CDK8: variants seen among roughly 807,000 people sequenced by gnomAD.
The protein encoded by CDK8 is cyclin-dependent kinase 8.
Under a neutral mutation model 71.5 loss-of-function variants are expected in CDK8, and 29 were observed. The observed-to-expected ratio is 0.41, with a 90% confidence interval of 0.30 to 0.55. CDK8 has a LOEUF of 0.55. CDK8 is among the 20% of genes least tolerant of loss of function. CDK8 has a pLI of 0.37. For synonymous variants in CDK8, 161 were observed against 192.1 expected (o/e 0.84, Z 1.34); for missense variants, 288 against 572.6 (o/e 0.50, Z 5.07).
At chr13:26,365,464 A>G (rs1874344808) in intron 4 of CDK8, among the ~76,000 whole-genome samples, 1 of 152,164 alleles carries the variant, frequency 6.6e-6, no homozygotes, top group Non-Finnish European at 1.5e-5. Flanking sequence ...CAAATAGCAT[A>G]TATGTTTATA....
rs543668635 is a variant in CDK8 at position 26,373,359 on chromosome 13, T to G, written c.457-9455T>G. 3.9e-4 allele frequency among the ~76,000 whole-genome samples: 59 copies of G among 152,286 alleles called. No homozygotes were observed. The South Asian group carries it at 0.012, about 30-fold the overall frequency. ...GCCAAGAATGGTACCTGATAGATAA[T>G]TGGCCTTTGCTGTGCTGTATGAATG... On this transcript the variant is annotated intron_variant, in intron 4 of 12. Transcript: ENST00000381527.
At chr13:26,375,021 T>A (rs542362517) in intron 4 of CDK8, among the ~76,000 whole-genome samples, 1 of 152,266 alleles carries the variant, frequency 6.6e-6, no homozygotes, top group South Asian at 2.1e-4. Context: ...CTATATAAAT[T>A]ATGGTAAATT....
chr13:26,316,972 G>T (rs1017256071), intron 1 of CDK8, among the ~76,000 whole-genome samples: 1 of 151,722 alleles, frequency 6.6e-6, no homozygotes, highest in Non-Finnish European at 1.5e-5. Flanking sequence ...CAACAAAAAA[G>T]ATCTAGAAAC....
intron 1 of CDK8, among the ~76,000 whole-genome samples, chr13:26,279,433 T>C (rs1872664136): frequency 6.6e-6 from 1 of 152,140 alleles, no homozygotes; most frequent in Non-Finnish European, 1.5e-5. Flanking sequence ...GGACAGCCCA[T>C]TGTTTTTGCC....
chr13:26,380,941 G>A (rs1466627267), intron 4 of CDK8, among the ~76,000 whole-genome samples: 1 of 151,972 alleles, frequency 6.6e-6, no homozygotes, highest in African/African-American at 2.4e-5. Context: ...ATATCATTTT[G>A]TGTTCTGCTG....
At chr13:26,280,855 A>G (rs547376887) in intron 1 of CDK8, among the ~76,000 whole-genome samples, 1 of 152,346 alleles carries the variant, frequency 6.6e-6, no homozygotes, top group East Asian at 1.9e-4. Flanking sequence ...TGGACAGAAC[A>G]GCATGTGGAG....
At chr13:26,336,144 T>TAC (rs1872973073) in intron 1 of CDK8, among the ~76,000 whole-genome samples, 2 of 120,318 alleles carry the variant, frequency 1.7e-5, no homozygotes, top group Non-Finnish European at 3.7e-5. Context: ...CACACACACA[T>TAC]ACACACATAC....
chr13:26,304,971 C>T (rs957728909), intron 1 of CDK8, among the ~76,000 whole-genome samples: 8 of 151,984 alleles, frequency 5.3e-5, no homozygotes, highest in East Asian at 1.9e-4. Flanking sequence ...CTTGGCCTGA[C>T]GATTATATTT....
At chr13:26,390,561 A>G (rs1875699836) in intron 6 of CDK8, among the ~76,000 whole-genome samples, 1 of 152,164 alleles carries the variant, frequency 6.6e-6, no homozygotes, top group Admixed American at 6.5e-5. Context: ...AAAGGCTAAA[A>G]AAAGGGATAT....
Position 26,398,054 on chromosome 13 carries a change from T to C in CDK8, c.933+829T>C, listed in dbSNP as rs528716983. Reference sequence around the variant, plus strand: ...ACCAGGCCATTTGGCAAACATTTCTTCTGTTCTTCCTTTGTTTCTCCTTTT... The same window carrying C: ...ACCAGGCCATTTGGCAAACATTTCTCCTGTTCTTCCTTTGTTTCTCCTTTT... On this transcript the variant is annotated intron_variant, in intron 9 of 12. Coordinates refer to ENST00000381527, the MANE Select transcript of CDK8 (RefSeq NM_001260.3). Among the ~76,000 whole-genome samples, 12 of 152,232 alleles carry C rather than the reference T, an allele frequency of 7.9e-5. 1 individual carries two copies. The South Asian group carries it at 1.2e-3, about 16-fold the overall frequency.
chr13:26,307,160 C>T (rs1874083109), intron 1 of CDK8, among the ~76,000 whole-genome samples: 1 of 152,162 alleles, frequency 6.6e-6, no homozygotes, highest in Non-Finnish European at 1.5e-5. Flanking sequence ...CACCCCACCA[C>T]CCCCAACCAT....
At chr13:26,399,538 A>G (rs955715963) in intron 9 of CDK8, among the ~76,000 whole-genome samples, 4 of 152,244 alleles carry the variant, frequency 2.6e-5, no homozygotes, top group African/African-American at 9.6e-5. Context: ...AGATCAGAGT[A>G]TAAACTAAGA....
chr13:26,395,035 TA>T (rs1349874353), intron 7 of CDK8, among the ~76,000 whole-genome samples: 1 of 152,198 alleles, frequency 6.6e-6, no homozygotes, highest in Non-Finnish European at 1.5e-5. Flanking sequence ...GAGAAATTGA[TA>T]AAACACAGAA....
intron 2 of CDK8, among the ~76,000 whole-genome samples, chr13:26,343,889 T>A (rs115810521): frequency 1.2e-3 from 186 of 151,212 alleles, no homozygotes; most frequent in African/African-American, 4.1e-3. Context: ...ATTTAAAAAA[T>A]TTTTTTTTTA....
chr13:26,333,915 T>G (rs944012912), intron 1 of CDK8, among the ~76,000 whole-genome samples: 2 of 152,220 alleles, frequency 1.3e-5, no homozygotes, highest in African/African-American at 4.8e-5. Flanking sequence ...CTCCTTTGTA[T>G]CTTTTACTAA....
At position 26,254,905 on chromosome 13, in the gene CDK8, C is replaced by G; in HGVS notation, c.128+136C>G. 1.5e-6 allele frequency: 2 copies of G among 1,296,094 alleles called. No individual in the cohort carries two copies. The highest frequency in any genetic ancestry group is 2.9e-5 in the South Asian group (2 of 70,056). 80.3% of individuals were successfully genotyped at this position (1,296,094 alleles called of 1,614,324 possible). ...GACGCCGGCCTCTGGCTCCGCCAGCCAGGTTTGGGGAGGAAGTGGTGTACG... is the reference window on the plus strand; with the variant it reads ...GACGCCGGCCTCTGGCTCCGCCAGCGAGGTTTGGGGAGGAAGTGGTGTACG... On this transcript the variant is annotated intron_variant, in intron 1 of 12. Coordinates refer to ENST00000381527, the MANE Select transcript of CDK8 (RefSeq NM_001260.3). The surrounding 1 kb of genome is among the most constrained non-coding windows in gnomAD (Gnocchi z 6.7).
intron 1 of CDK8, among the ~76,000 whole-genome samples, chr13:26,331,875 G>T (rs1026491429): frequency 1.1e-4 from 16 of 152,130 alleles, no homozygotes; most frequent in South Asian, 8.3e-4. Flanking sequence ...GACTGGGATT[G>T]TATTGAATCT....
chr13:26,319,666 T>A (rs1270762094), intron 1 of CDK8, among the ~76,000 whole-genome samples: 1 of 146,564 alleles, frequency 6.8e-6, no homozygotes, highest in Non-Finnish European at 1.5e-5. Flanking sequence ...GTGCAACAAC[T>A]ATCAAAATCC....
At chr13:26,383,150 A>G (rs903362312) in intron 5 of CDK8, among the ~76,000 whole-genome samples, 1 of 152,204 alleles carries the variant, frequency 6.6e-6, no homozygotes, top group African/African-American at 2.4e-5. Context: ...AGGGGCTTCT[A>G]TCTCTGTTAG....
Sources: gnomAD v4.1 joint callset for allele counts (sites outside exome capture counted in the v4.1 genomes callset) on GRCh38, gnomAD v4.1.1 for gene constraint, Gnocchi (gnomAD v3.1) non-coding constraint, MANE v1.5 for transcripts, NCBI Gene and HGNC (gene_info 2026-07-23, HGNC 2026-07-21) for gene names.